Variants in KCNH5 observed in about 807,000 individuals in gnomAD.
KCNH5 encodes the protein potassium voltage-gated channel subfamily H member 5.
KCNH5 carries 46 observed loss-of-function variants against 96.1 expected under a neutral mutation model. The ratio of observed to expected loss-of-function variants is 0.48; its 90% confidence interval spans 0.38 to 0.61. The LOEUF (loss-of-function observed/expected upper bound fraction) is 0.61, where lower values mean the gene tolerates loss of function less well. Among genes scored for constraint, KCNH5 ranks in the 20% least tolerant of loss-of-function variants. The pLI is 0.00. For synonymous variants in KCNH5, 439 were observed against 449.8 expected (o/e 0.98, Z 0.30); for missense variants, 907 against 1,225.8 (o/e 0.74, Z 3.88).
chr14:62,970,044 T>TAAAAAAAAAAAAA (rs373852520), intron 6 of KCNH5, among the ~76,000 whole-genome samples: 20 of 30,410 alleles, frequency 6.6e-4, no homozygotes, highest in Non-Finnish European at 1.0e-3. Context: ...AGACTCCGTC[T>TAAAAAAAAAAAAA]AAAAAAAAAA....
intron 7 of KCNH5, among the ~76,000 whole-genome samples, chr14:62,909,090 G>T (rs1302045724): frequency 8.2e-6 from 1 of 121,846 alleles, no homozygotes; most frequent in African/African-American, 3.2e-5. Flanking sequence ...CTGTCGCCCA[G>T]GCTGGAGTGC....
chr14:62,892,541 T>C (rs375191865), intron 7 of KCNH5, among the ~76,000 whole-genome samples: 8 of 152,222 alleles, frequency 5.3e-5, no homozygotes, highest in African/African-American at 1.9e-4. Flanking sequence ...ATGGCTACAC[T>C]AAACAACAAA....
intron 1 of KCNH5, among the ~76,000 whole-genome samples, chr14:63,023,010 C>T (rs1293718040): frequency 6.6e-6 from 1 of 151,914 alleles, no homozygotes; most frequent in Non-Finnish European, 1.5e-5. Context: ...TCGAGGCCAG[C>T]CTAGCCAACA....
intron 10 of KCNH5, among the ~76,000 whole-genome samples, chr14:62,731,265 C>A (rs1885044219): frequency 6.6e-6 from 1 of 151,778 alleles, no homozygotes; most frequent in Non-Finnish European, 1.5e-5. Context: ...CGCGCCACTG[C>A]ACTCCAGCCT....
In KCNH5 at chr14:62,980,970, T is replaced by C. The variant is rs192995121; in HGVS notation, c.844A>G (p.Lys282Glu). Residue 282 changes from lysine (K) to glutamate (E), a missense_variant, in exon 6 of 11, where the codon AAG becomes GAG. Around this residue, in one of 6 missense-constraint regions of KCNH5, gnomAD observed 370 missense variants for 561.3 expected, o/e 0.66. Coordinates refer to ENST00000322893, the MANE Select transcript of KCNH5 (RefSeq NM_139318.5). Reference protein sequence around the residue: ...GPGGEVISDPKLIRMNYLKTW... With the variant: ...GPGGEVISDPELIRMNYLKTW... ...TTCAGATAGTTCATCCTTATGAGCT[T>C]AGGGTCAGAAATGACCTCTCCACCG... 1.4e-5 allele frequency: 23 copies of C among 1,614,094 alleles called. No homozygotes were observed. Among genetic ancestry groups the C allele is most frequent in the Non-Finnish European group, 1.9e-5 (23 of 1,180,002 alleles).
At chr14:62,772,895 G>T in intron 10 of KCNH5, among the ~76,000 whole-genome samples, 1 of 152,112 alleles carries the variant, frequency 6.6e-6, no homozygotes, top group East Asian at 1.9e-4. Context: ...TAGACGTATT[G>T]GTTCATGCCC....
intron 7 of KCNH5, among the ~76,000 whole-genome samples, chr14:62,896,268 T>C (rs1377573975): frequency 1.3e-5 from 2 of 152,214 alleles, no homozygotes; most frequent in African/African-American, 4.8e-5. Flanking sequence ...CAGACTTCCA[T>C]TCTGTTTGGC....
Position 63,006,483 on chromosome 14 carries a change from A to T in KCNH5, c.198-11T>A, listed in dbSNP as rs752211384. ...TCCCCATACATAAAACTGGGGGGGA[A>T]AAAAAACAAACAATCGATTTCACTT... On this transcript the variant is annotated splice_polypyrimidine_tract_variant and intron_variant, in intron 2 of 10. Coordinates refer to ENST00000322893, the MANE Select transcript of KCNH5 (RefSeq NM_139318.5). The T allele has an allele frequency of 1.4e-6, 2 of 1,465,586 alleles. No individual in the cohort carries two copies. The highest frequency in any genetic ancestry group is 2.9e-5 in the African/African-American group (2 of 68,308). The allele number at this position is 1,465,586 out of a possible 1,614,324, so 90.8% of individuals were successfully genotyped here.
At chr14:62,896,779 C>T (rs1331972256) in intron 7 of KCNH5, among the ~76,000 whole-genome samples, 1 of 152,142 alleles carries the variant, frequency 6.6e-6, no homozygotes, top group Non-Finnish European at 1.5e-5. Flanking sequence ...TAACTATATA[C>T]AACTTAATAC....
At chr14:62,906,456 T>G (rs1889029724) in intron 7 of KCNH5, among the ~76,000 whole-genome samples, 1 of 152,188 alleles carries the variant, frequency 6.6e-6, no homozygotes, top group African/African-American at 2.4e-5. Flanking sequence ...CCCTTTCCTC[T>G]CTTTTACAAA....
intron 8 of KCNH5, among the ~76,000 whole-genome samples, chr14:62,832,516 G>C (rs138262970): frequency 6.6e-6 from 1 of 152,002 alleles, no homozygotes; most frequent in Admixed American, 6.6e-5. Flanking sequence ...CCATTCATGG[G>C]CATTTAAGTT....
intron 1 of KCNH5, among the ~76,000 whole-genome samples, chr14:63,041,709 C>G (rs1011903572): frequency 7.2e-5 from 11 of 151,896 alleles, no homozygotes; most frequent in Non-Finnish European, 1.5e-5. Flanking sequence ...GTGTGTGTAT[C>G]CATCCTACTC....
chr14:62,830,350 C>T (rs1243434662), intron 8 of KCNH5, among the ~76,000 whole-genome samples: 1 of 152,198 alleles, frequency 6.6e-6, no homozygotes, highest in Non-Finnish European at 1.5e-5. Context: ...TAGTACCTCA[C>T]TCTTCTGGTA....
At chr14:62,848,742 C>T (rs979602184) in intron 8 of KCNH5, among the ~76,000 whole-genome samples, 4 of 151,874 alleles carry the variant, frequency 2.6e-5, no homozygotes, top group East Asian at 1.9e-4. Context: ...AAAGAAAAAC[C>T]GTAAGTCAAC....
chr14:62,987,039 C>T, intron 5 of KCNH5, 33 bp downstream of exon 5: 1 of 1,423,050 alleles, frequency 7.0e-7, no homozygotes, highest in East Asian at 2.3e-5. Flanking sequence ...CCAACACCAC[C>T]ATCTTGGGAA....
In KCNH5 at chr14:62,802,544, A is replaced by G. The variant is rs1566665284; in HGVS notation, c.1607T>C (p.Ile536Thr). The G allele has an allele frequency of 1.2e-6, 2 of 1,614,146 alleles. No homozygotes were observed. The highest frequency in any genetic ancestry group is 1.7e-6 in the Non-Finnish European group (2 of 1,180,008). ...SICPKDMRAD[I>T]CVHLNRKVFN... ...AACCTTCCGGTTTAGATGAACACAG[A>G]TATCAGCTCTCATGTCCTTGGGACA... Residue 536 changes from isoleucine (I) to threonine (T), a missense_variant, in exon 9 of 11, where the codon ATC becomes ACC. Physicochemically the swap from Ile to Thr is moderately conservative, Grantham distance 89 (BLOSUM62 -1). Around this residue, in one of 6 missense-constraint regions of KCNH5, gnomAD observed 95 missense variants for 111.8 expected, o/e 0.85. Transcript: ENST00000322893.
rs111983582 is a variant in KCNH5 at position 62,959,868 on chromosome 14, C to A, written c.943-9309G>T. Among the ~76,000 whole-genome samples the A allele has an allele frequency of 5.3e-3, 804 of 152,240 alleles. 11 individuals are homozygous for A. The highest frequency in any genetic ancestry group is 0.033 in the East Asian group (172 of 5,186). On this transcript the variant is annotated intron_variant, in intron 6 of 10. Coordinates refer to ENST00000322893, the MANE Select transcript of KCNH5 (RefSeq NM_139318.5). ...TAACAGCATCTCTCTCCTCTATCTA[C>A]GGGAGTTTCCTAACTGTCAAGGCAT...
chr14:62,923,172 T>A (rs1595686141), intron 7 of KCNH5, among the ~76,000 whole-genome samples: 1 of 151,892 alleles, frequency 6.6e-6, no homozygotes, highest in Admixed American at 6.6e-5. Context: ...TTCTATACAC[T>A]AACAATGAAT....
At chr14:62,946,033 C>G (rs1889880600) in intron 7 of KCNH5, among the ~76,000 whole-genome samples, 1 of 151,852 alleles carries the variant, frequency 6.6e-6, no homozygotes, top group Non-Finnish European at 1.5e-5. Flanking sequence ...GCTGCTTAAG[C>G]TTTGGGATAG....
Sources: allele counts gnomAD v4.1 joint callset (sites outside exome capture counted in the v4.1 genomes callset), GRCh38; gene constraint gnomAD v4.1.1; regional missense constraint gnomAD v4.1.1; transcripts MANE v1.5; gene names NCBI Gene and HGNC (gene_info 2026-07-23, HGNC 2026-07-21).